CLYBL: variants seen among roughly 807,000 people sequenced by gnomAD.
The protein encoded by CLYBL is citramalyl-CoA lyase, mitochondrial.
In CLYBL, 31 loss-of-function variants were observed where a neutral mutation model predicts 38.9. That is an observed-to-expected ratio of 0.80 (90% confidence interval 0.60 to 1.08). CLYBL has a LOEUF of 1.08. Ranked by LOEUF, CLYBL falls within the 50% of genes least tolerant of loss-of-function variation. The pLI, the probability that CLYBL is intolerant of heterozygous loss-of-function variation, is 0.00. For missense variants in CLYBL, 434 were observed against 411.6 expected, an observed-to-expected ratio of 1.05 and a Z score of -0.47; for synonymous variants, 171 against 158.6, an observed-to-expected ratio of 1.08 and a Z score of -0.59.
In CLYBL at chr13:99,849,624, A is replaced by T. The variant is rs183382978; in HGVS notation, c.250-9237A>T. Among the ~76,000 whole-genome samples the T allele has an allele frequency of 6.6e-6, 1 of 152,244 alleles. No homozygotes were observed. The highest frequency in any genetic ancestry group is 1.5e-5 in the Non-Finnish European group (1 of 68,044). On this transcript the variant is annotated intron_variant, in intron 2 of 8. Coordinates refer to ENST00000339105, the MANE Select transcript of CLYBL (RefSeq NM_206808.5). This position sits in a 1 kb window ranked among gnomAD's most constrained non-coding sequence, Gnocchi z 4.9. ...CTCAGCACCAGCTCCACATTGTCCT[A>T]TGAGTTTGAGTCAGAGGTGCCTCAG...
chr13:99,701,590 C>T (rs1194964108), intron 1 of CLYBL, among the ~76,000 whole-genome samples: 3 of 152,026 alleles, frequency 2.0e-5, no homozygotes, highest in Non-Finnish European at 2.9e-5. Flanking sequence ...GGATTACAGG[C>T]GTGAGCCACC....
chr13:99,608,847 C>CTTTTTTTTTT (rs57961216), intron 1 of CLYBL, among the ~76,000 whole-genome samples: 1 of 87,886 alleles, frequency 1.1e-5, no homozygotes, highest in Non-Finnish European at 2.0e-5. Flanking sequence ...AGTGATGAGT[C>CTTTTTTTTTT]TTTTTTTTTT....
chr13:99,864,384 G>A (rs2051686430), intron 4 of CLYBL, among the ~76,000 whole-genome samples: 1 of 152,162 alleles, frequency 6.6e-6, no homozygotes, highest in African/African-American at 2.4e-5. Context: ...TTTTTGTGCT[G>A]TCTTTAATCC....
chr13:99,619,800 A>G (rs1436506083), intron 1 of CLYBL, among the ~76,000 whole-genome samples: 1 of 152,208 alleles, frequency 6.6e-6, no homozygotes, highest in African/African-American at 2.4e-5. Flanking sequence ...AGAGTCTAGA[A>G]AGGAATTATT....
chr13:99,675,682 C>T (rs1473510260), intron 1 of CLYBL, among the ~76,000 whole-genome samples: 1 of 152,198 alleles, frequency 6.6e-6, no homozygotes, highest in African/African-American at 2.4e-5. Context: ...AAGCTTCATC[C>T]AAGCTGTAGC....
At chr13:99,862,963 T>TAATC (rs2051644680) in intron 3 of CLYBL, 28 bp from the exon 4 acceptor site, 3 of 1,357,050 alleles carry the variant, frequency 2.2e-6, no homozygotes, top group Non-Finnish European at 1.0e-6. Flanking sequence ...TTTTCCCCAC[T>TAATC]AATCACCTAT....
At chr13:99,795,378 G>A (rs1180522981) in intron 2 of CLYBL, among the ~76,000 whole-genome samples, 1 of 152,106 alleles carries the variant, frequency 6.6e-6, no homozygotes, top group Non-Finnish European at 1.5e-5. Context: ...CTAGGGCCAG[G>A]GATAGTGGCT....
At chr13:99,853,838 T>C (rs2051391213) in intron 2 of CLYBL, among the ~76,000 whole-genome samples, 1 of 152,192 alleles carries the variant, frequency 6.6e-6, no homozygotes, top group Non-Finnish European at 1.5e-5. Flanking sequence ...ATTCGTTCCG[T>C]TTTTTATTTT....
chr13:99,679,751 T>G (rs1304437090), intron 1 of CLYBL, among the ~76,000 whole-genome samples: 1 of 152,062 alleles, frequency 6.6e-6, no homozygotes, highest in African/African-American at 2.4e-5. Context: ...GGGAAATGTC[T>G]GGTAGAAATG....
chr13:99,728,364 C>G (rs2048520002), intron 1 of CLYBL, among the ~76,000 whole-genome samples: 1 of 150,674 alleles, frequency 6.6e-6, no homozygotes, highest in Non-Finnish European at 1.5e-5. Flanking sequence ...CTGCAACCTC[C>G]GTCTCCTGGG....
At chr13:99,710,454 A>T (rs1478485541) in intron 1 of CLYBL, among the ~76,000 whole-genome samples, 1 of 152,160 alleles carries the variant, frequency 6.6e-6, no homozygotes, top group East Asian at 1.9e-4. Flanking sequence ...TATACTGCAC[A>T]GCATTTTTTT....
intron 7 of CLYBL, among the ~76,000 whole-genome samples, chr13:99,872,133 A>G (rs1268175755): frequency 2.0e-5 from 3 of 152,198 alleles, no homozygotes; most frequent in African/African-American, 7.2e-5. Context: ...GTGGGCAACA[A>G]TATTAAATGG....
Position 99,717,330 on chromosome 13 carries a change from G to A in CLYBL, c.63-55494G>A, listed in dbSNP as rs368194678. Among the ~76,000 whole-genome samples the A allele has an allele frequency of 1.7e-4, 26 of 150,290 alleles. 1 individual carries two copies. The East Asian group carries it at 5.3e-3, about 31-fold the overall frequency. On this transcript the variant is annotated intron_variant, in intron 1 of 8. Transcript: ENST00000339105. ...AATTCCAGCTACTCGGGAGGCTGAGGCAGGAGAATTGCTAGAACCCAGGAG... is the reference window on the plus strand; with the variant it reads ...AATTCCAGCTACTCGGGAGGCTGAGACAGGAGAATTGCTAGAACCCAGGAG...
In CLYBL at chr13:99,849,861, A is replaced by G. The variant is rs531320365; in HGVS notation, c.250-9000A>G. On this transcript the variant is annotated intron_variant, in intron 2 of 8. Transcript: ENST00000339105. This position sits in a 1 kb window ranked among gnomAD's most constrained non-coding sequence, Gnocchi z 4.9. The stretch of plus-strand genomic sequence containing the variant: ...GCAAGGCAGCCAAGGAGGCAGACAG[A>G]AGTAAGCCCCTTCTTTCCACTGGAG... Among the ~76,000 whole-genome samples the G allele has an allele frequency of 5.5e-4, 83 of 152,268 alleles. No individual in the cohort carries two copies. The highest frequency in any genetic ancestry group is 2.0e-3 in the African/African-American group (81 of 41,518).
intron 1 of CLYBL, among the ~76,000 whole-genome samples, chr13:99,713,340 T>C (rs867617714): frequency 1.2e-4 from 17 of 146,866 alleles, no homozygotes; most frequent in Middle Eastern, 3.5e-3. Context: ...ATTTCTTTTT[T>C]TTTTTTTTTT....
At chr13:99,716,395 C>CTTTCTT (rs1555293180) in intron 1 of CLYBL, among the ~76,000 whole-genome samples, 5 of 135,252 alleles carry the variant, frequency 3.7e-5, no homozygotes, top group South Asian at 2.4e-4. Flanking sequence ...CTTTTCTTTT[C>CTTTCTT]TTTTTTTTTT....
chr13:99,720,090 CTTTA>C (rs943587896), intron 1 of CLYBL, among the ~76,000 whole-genome samples: 11 of 148,328 alleles, frequency 7.4e-5, no homozygotes, highest in African/African-American at 2.8e-4. Flanking sequence ...ACTTAGTTCT[CTTTA>C]TTTTTTTTAA....
At position 99,676,178 on chromosome 13, in the gene CLYBL, C is replaced by T. The variant is rs866905168; in HGVS notation, c.62+69421C>T. On this transcript the variant is annotated intron_variant, in intron 1 of 8. Coordinates refer to ENST00000339105, the MANE Select transcript of CLYBL (RefSeq NM_206808.5). ...GCCACAGACTGGCTTCCTTCCTTCC[C>T]TCCGTCCGTCCTTCCTTCCTTCCTT... 5.5e-4 allele frequency among the ~76,000 whole-genome samples: 75 copies of T among 136,820 alleles called. 1 individual carries two copies. The East Asian group carries it at 0.014, about 25-fold the overall frequency. 89.8% of individuals were successfully genotyped at this position (136,820 alleles called of 152,430 possible).
intron 1 of CLYBL, among the ~76,000 whole-genome samples, chr13:99,618,226 A>AT (rs200257421): frequency 2.0e-5 from 3 of 151,716 alleles, no homozygotes; most frequent in East Asian, 1.9e-4. Context: ...GATTTAGTGG[A>AT]TTTTTTTTCT....
Sources: allele counts gnomAD v4.1 joint callset (sites outside exome capture counted in the v4.1 genomes callset), GRCh38; gene constraint gnomAD v4.1.1; non-coding constraint Gnocchi (gnomAD v3.1); transcripts MANE v1.5; gene names NCBI Gene and HGNC (gene_info 2026-07-23, HGNC 2026-07-21).